CADPS: variants seen among roughly 807,000 people sequenced by gnomAD.
The protein encoded by CADPS is calcium-dependent secretion activator 1.
CADPS carries 57 observed loss-of-function variants against 167.3 expected under a neutral mutation model. That is an observed-to-expected ratio of 0.34 (90% CI 0.28 to 0.42). The LOEUF is 0.42. Among genes scored for constraint, CADPS ranks in the 20% least tolerant of loss-of-function variants. CADPS has a pLI of 1.00. For synonymous variants in CADPS, 676 were observed against 635.3 expected, an observed-to-expected ratio of 1.06 and a Z score of -0.96; for missense variants, 1,414 against 1,738.1, an observed-to-expected ratio of 0.81 and a Z score of 3.32.
intron 6 of CADPS, among the ~76,000 whole-genome samples, chr3:62,612,796 T>C (rs2061681727): frequency 6.6e-6 from 1 of 152,178 alleles, no homozygotes; most frequent in Non-Finnish European, 1.5e-5. Flanking sequence ...TGATTTAGCC[T>C]CCTTTGTTCC....
In CADPS at chr3:62,859,859, T is replaced by G. The variant is rs148345479; in HGVS notation, c.441+14730A>C. Among the ~76,000 whole-genome samples the G allele has an allele frequency of 7.7e-4, 117 of 152,256 alleles. 2 individuals carry two copies. In the East Asian group the frequency reaches 0.021, roughly 27 times the overall value. On this transcript the variant is annotated intron_variant, in intron 1 of 29. Transcript: ENST00000383710. ...TCAAAGTGCCTTATAGGAAAACACA[T>G]CACTTCAAGACAAGGTCAAGGCCAA...
intron 6 of CADPS, among the ~76,000 whole-genome samples, chr3:62,622,501 T>C (rs191495638): frequency 1.3e-5 from 2 of 152,288 alleles, no homozygotes; most frequent in East Asian, 3.9e-4. Flanking sequence ...ATTTTAGCTA[T>C]GATTTTAAAG....
At chr3:62,594,262 C>T (rs1483608242) in intron 6 of CADPS, among the ~76,000 whole-genome samples, 5 of 149,254 alleles carry the variant, frequency 3.3e-5, no homozygotes, top group Admixed American at 6.7e-5. Flanking sequence ...CCCGGGTTCA[C>T]GCCATTCTCC....
At chr3:62,659,574 T>A (rs1468650118) in intron 4 of CADPS, among the ~76,000 whole-genome samples, 2 of 152,232 alleles carry the variant, frequency 1.3e-5, no homozygotes, top group African/African-American at 2.4e-5. Flanking sequence ...TATTTTCTCA[T>A]CATCTTTTCC....
At chr3:62,498,537 T>A (rs1346979104) in intron 18 of CADPS, among the ~76,000 whole-genome samples, 1 of 152,174 alleles carries the variant, frequency 6.6e-6, no homozygotes, top group African/African-American at 2.4e-5. Context: ...GTTTGGGATT[T>A]AGTTAGCCTT....
chr3:62,556,222 G>A (rs1182102379), intron 10 of CADPS, among the ~76,000 whole-genome samples: 2 of 152,192 alleles, frequency 1.3e-5, no homozygotes, highest in Admixed American at 1.3e-4. Flanking sequence ...CGTTGGTTCT[G>A]CTCATGAAGG....
chr3:62,692,172 A>T (rs1326705618), intron 3 of CADPS, among the ~76,000 whole-genome samples: 2 of 152,034 alleles, frequency 1.3e-5, no homozygotes, highest in Non-Finnish European at 2.9e-5. Flanking sequence ...TGTTTAAAAA[A>T]ATATATCTAT....
chr3:62,668,899 A>G (rs2150702294), intron 3 of CADPS, among the ~76,000 whole-genome samples: 1 of 152,302 alleles, frequency 6.6e-6, no homozygotes, highest in South Asian at 2.1e-4. Flanking sequence ...ACAGTCGCAC[A>G]ACGATCAGTG....
At chr3:62,547,903 T>C (rs1447429065) in intron 11 of CADPS, among the ~76,000 whole-genome samples, 1 of 152,070 alleles carries the variant, frequency 6.6e-6, no homozygotes. Context: ...CATCTTATAC[T>C]AGTGAGGAAA....
intron 3 of CADPS, among the ~76,000 whole-genome samples, chr3:62,739,059 A>T (rs1372269962): frequency 2.6e-5 from 4 of 152,176 alleles, no homozygotes; most frequent in African/African-American, 7.2e-5. Flanking sequence ...CCATCAAGAG[A>T]TGGAGTCTGT....
At chr3:62,696,316 C>CA (rs1443884175) in intron 3 of CADPS, among the ~76,000 whole-genome samples, 1 of 152,146 alleles carries the variant, frequency 6.6e-6, no homozygotes, top group Non-Finnish European at 1.5e-5. Context: ...TTTTACATTC[C>CA]TGCAAACCCC....
chr3:62,557,761 C>T (rs2600854), intron 9 of CADPS, among the ~76,000 whole-genome samples: 90,854 of 152,098 alleles, frequency 0.6, 28,711 homozygotes, highest in Admixed American at 0.72. Context: ...AATGAGTTCA[C>T]GTGGGGAATG....
rs185818572 is a variant in CADPS, at chr3:62,416,673, C to G, written c.3778-13488G>C. On this transcript the variant is annotated intron_variant, in intron 28 of 29. Transcript: ENST00000383710. The stretch of plus-strand genomic sequence containing the variant: ...TCAGAGACCAGCAGCCTCCCAGCTG[C>G]AGGAAAAGTTATGTTTCCCACTCAG... 1.4e-4 allele frequency among the ~76,000 whole-genome samples: 22 copies of G among 152,180 alleles called. No individual in the cohort carries two copies. The East Asian group carries it at 3.9e-3, about 27-fold the overall frequency.
At chr3:62,586,315 T>G (rs1406931274) in intron 7 of CADPS, among the ~76,000 whole-genome samples, 1 of 152,160 alleles carries the variant, frequency 6.6e-6, no homozygotes, top group Non-Finnish European at 1.5e-5. Flanking sequence ...CAGGCCCCTT[T>G]CCTGGGCTTC....
intron 6 of CADPS, among the ~76,000 whole-genome samples, chr3:62,605,295 G>A (rs9653996): frequency 0.012 from 1,789 of 152,086 alleles, 32 homozygotes; most frequent in African/African-American, 0.041. Context: ...CCTCTGAGCT[G>A]AAGAAGTCCT....
chr3:62,783,084 A>G (rs1251685422), intron 1 of CADPS, among the ~76,000 whole-genome samples: 2 of 152,080 alleles, frequency 1.3e-5, no homozygotes, highest in African/African-American at 2.4e-5. Flanking sequence ...TTAATATAGC[A>G]TCTTACATTC....
At chr3:62,475,631 C>G (rs1330343749) in intron 23 of CADPS, among the ~76,000 whole-genome samples, 1 of 140,940 alleles carries the variant, frequency 7.1e-6, no homozygotes, top group African/African-American at 2.6e-5. Context: ...AATCCCAAAC[C>G]CTTAAAACAC....
At chr3:62,484,037 C>T (rs1419098032) in intron 21 of CADPS, among the ~76,000 whole-genome samples, 1 of 152,116 alleles carries the variant, frequency 6.6e-6, no homozygotes, top group East Asian at 1.9e-4. Context: ...AAGCAAGCTT[C>T]ATTTTGCACA....
chr3:62,532,888 G>A lies in CADPS; in HGVS notation c.2274C>T (p.Ser758=), dbSNP rs371682254. The A allele has an allele frequency of 1.9e-6, 3 of 1,613,480 alleles. No homozygotes were observed. In the African/African-American group the frequency reaches 4.0e-5, roughly 22 times the overall value. Residue 758 remains serine (S), a synonymous_variant, in exon 13 of 30, where the codon TCC becomes TCT. Transcript: ENST00000383710. ...ACACTTACCTGTTCCCATGGACATGGGATGCACAGAAGGCAAAGCTGTAGT... is the reference window on the plus strand; with the variant it reads ...ACACTTACCTGTTCCCATGGACATGAGATGCACAGAAGGCAAAGCTGTAGT... ...LLHYSFAFCA[S]HVHGNRPDGI... is the part of the protein sequence containing the mutation.
Sources: gnomAD v4.1 joint callset for allele counts (sites outside exome capture counted in the v4.1 genomes callset) on GRCh38, gnomAD v4.1.1 for gene constraint, MANE v1.5 for transcripts, NCBI Gene and HGNC (gene_info 2026-07-23, HGNC 2026-07-21) for gene names.